The following GALNT13 variants were observed in gnomAD, a reference collection of about 807,000 sequenced individuals.
GALNT13 encodes UDP-GalNAc:polypeptide N-acetylgalactosaminyltransferase 13.
In GALNT13, 28 loss-of-function variants were observed where a neutral mutation model predicts 64.2. That is an observed-to-expected ratio of 0.44 (90% CI 0.32 to 0.60). The LOEUF (loss-of-function observed/expected upper bound fraction) is 0.60. Among genes scored for constraint, GALNT13 ranks in the 20% least tolerant of loss-of-function variants. The pLI is 0.05. For missense variants in GALNT13, 577 were observed against 669.8 expected, an observed-to-expected ratio of 0.86 and a Z score of 1.53; for synonymous variants, 214 against 224.6, an observed-to-expected ratio of 0.95 and a Z score of 0.42.
the GALNT13 span, among the ~76,000 whole-genome samples, chr2:153,450,951 C>A: frequency 6.6e-6 from 1 of 152,102 alleles, no homozygotes; most frequent in African/African-American, 2.4e-5. Context: ...TAATGTCTCA[C>A]AGAGAAGTTT....
chr2:153,887,587 G>C (rs1207349830), intron 1 of GALNT13, among the ~76,000 whole-genome samples: 1 of 151,778 alleles, frequency 6.6e-6, no homozygotes, highest in East Asian at 1.9e-4. Context: ...TAAATATTAT[G>C]ATATTATACA....
intron 3 of GALNT13, among the ~76,000 whole-genome samples, chr2:154,105,881 A>G (rs1470492794): frequency 6.6e-6 from 1 of 152,160 alleles, no homozygotes; most frequent in East Asian, 1.9e-4. Context: ...GTCTCTGACT[A>G]GTACCTACCG....
chr2:154,378,532 ATG>A (rs1184150831), intron 9 of GALNT13, among the ~76,000 whole-genome samples: 1 of 152,134 alleles, frequency 6.6e-6, no homozygotes, highest in African/African-American at 2.4e-5. Context: ...TATTCTGCCT[ATG>A]TTTAACAATG....
the GALNT13 span, among the ~76,000 whole-genome samples, chr2:153,854,917 CATTAATTTTGACAATGTGATAT>C: frequency 6.6e-6 from 1 of 152,048 alleles, no homozygotes; most frequent in East Asian, 1.9e-4. Context: ...TATCATTCTA[CATTAATTTTGACAATGTGATAT>C]TGTAGCAAGC....
intron 3 of GALNT13, among the ~76,000 whole-genome samples, chr2:154,033,561 A>C (rs1698474189): frequency 6.6e-6 from 1 of 152,200 alleles, no homozygotes; most frequent in South Asian, 2.1e-4. Flanking sequence ...GCACATGAAA[A>C]TATGCTCAAC....
chr2:154,021,316 A>G (rs968220726), intron 3 of GALNT13, among the ~76,000 whole-genome samples: 3 of 152,214 alleles, frequency 2.0e-5, no homozygotes, highest in Non-Finnish European at 4.4e-5. Context: ...CACAGTATTG[A>G]TTCTTCCTAC....
At chr2:153,278,027 T>TACC in the GALNT13 span, among the ~76,000 whole-genome samples, 7 of 144,060 alleles carry the variant, frequency 4.9e-5, no homozygotes, top group South Asian at 1.6e-3. Context: ...CCCAGGTTCA[T>TACC]ACCATTCTCC....
chr2:153,294,709 G>A, the GALNT13 span, among the ~76,000 whole-genome samples: 3 of 152,106 alleles, frequency 2.0e-5, no homozygotes, highest in Admixed American at 2.0e-4. Flanking sequence ...TTGAATAGAT[G>A]TTCAATGAAA....
intron 2 of GALNT13, among the ~76,000 whole-genome samples, chr2:153,941,716 T>C (rs1044389713): frequency 9.9e-5 from 15 of 152,220 alleles, no homozygotes; most frequent in Non-Finnish European, 7.3e-5. Context: ...TATTATTTTA[T>C]AAGTGCCAGG....
chr2:153,286,360 A>G, the GALNT13 span, among the ~76,000 whole-genome samples: 7 of 152,304 alleles, frequency 4.6e-5, no homozygotes, highest in African/African-American at 1.4e-4. Flanking sequence ...AGATGAGACA[A>G]CAATCACAGA....
chr2:154,103,557 G>A (rs1301619475), intron 3 of GALNT13, among the ~76,000 whole-genome samples: 2 of 152,032 alleles, frequency 1.3e-5, no homozygotes, highest in Non-Finnish European at 2.9e-5. Context: ...TTGTCTTTTT[G>A]TACTGCTGGA....
chr2:154,092,362 G>A (rs186876568), intron 3 of GALNT13, among the ~76,000 whole-genome samples: 29 of 152,120 alleles, frequency 1.9e-4, no homozygotes, highest in African/African-American at 6.5e-4. Flanking sequence ...TTGACATTTT[G>A]TATGCATTAA....
the GALNT13 span, among the ~76,000 whole-genome samples, chr2:153,761,186 A>G: frequency 1.2e-4 from 18 of 152,188 alleles, no homozygotes; most frequent in East Asian, 3.1e-3. Flanking sequence ...CAGTAACTCT[A>G]TGTCTTTTTA....
At chr2:153,284,634 C>G in the GALNT13 span, among the ~76,000 whole-genome samples, 6 of 152,108 alleles carry the variant, frequency 3.9e-5, no homozygotes, top group Admixed American at 1.3e-4. Context: ...GCTTGGATCC[C>G]CAGTGGAAAG....
intron 1 of GALNT13, among the ~76,000 whole-genome samples, chr2:153,897,044 C>T (rs916150001): frequency 4.6e-5 from 7 of 152,100 alleles, no homozygotes; most frequent in African/African-American, 1.2e-4. Flanking sequence ...TGCATGCACA[C>T]GTGTAGACAC....
chr2:153,809,027 TA>T, the GALNT13 span, among the ~76,000 whole-genome samples: 1 of 152,218 alleles, frequency 6.6e-6, no homozygotes, highest in East Asian at 1.9e-4. Flanking sequence ...TCAGTAATGC[TA>T]AGCATTCCTA....
chr2:153,087,379 G>A, the GALNT13 span, among the ~76,000 whole-genome samples: 5 of 152,098 alleles, frequency 3.3e-5, no homozygotes, highest in South Asian at 2.1e-4. Context: ...GGCGTCTGTT[G>A]TCTAGTGTTT....
In GALNT13 at chr2:154,418,221, A is replaced by G. The variant is rs1700105773; in HGVS notation, c.1395+9139A>G. On this transcript the variant is annotated intron_variant, in intron 11 of 12. Coordinates refer to ENST00000392825, the MANE Select transcript of GALNT13 (RefSeq NM_052917.4). Reference sequence around the variant, plus strand: ...CAAAATTCTGACTACATAAACTAAAATCATCTTCCTGGAGGATGAAATTGT... The same window carrying G: ...CAAAATTCTGACTACATAAACTAAAGTCATCTTCCTGGAGGATGAAATTGT... Among the ~76,000 whole-genome samples the G allele has an allele frequency of 2.0e-5, 3 of 152,196 alleles. No homozygotes were observed. In the South Asian group the frequency reaches 6.2e-4, roughly 31 times the overall value.
chr2:154,446,892 C>G (rs1701608672), intron 12 of GALNT13: 1 of 953,142 alleles, frequency 1.0e-6, no homozygotes. Flanking sequence ...GGAGTTAACT[C>G]TCTGTCTTTT....
Sources: gnomAD v4.1 joint callset for allele counts (sites outside exome capture counted in the v4.1 genomes callset) on GRCh38, gnomAD v4.1.1 for gene constraint, MANE v1.5 for transcripts, NCBI Gene and HGNC (gene_info 2026-07-23, HGNC 2026-07-21) for gene names.